SRD5A3: variants seen among roughly 807,000 people sequenced by gnomAD.
The protein encoded by SRD5A3 is steroid 5 alpha-reductase 3.
A neutral mutation model predicts 34.3 loss-of-function variants in SRD5A3; 24 were observed. That is an observed-to-expected ratio of 0.70 (90% CI 0.51 to 0.99). The LOEUF (loss-of-function observed/expected upper bound fraction) is 0.99, where lower values mean the gene tolerates loss of function less well. SRD5A3 is among the 50% of genes least tolerant of loss of function. The pLI is 0.00. For synonymous variants in SRD5A3, 161 were observed against 167.3 expected, an observed-to-expected ratio of 0.96 and a Z score of 0.29; for missense variants, 350 against 388.2, an observed-to-expected ratio of 0.90 and a Z score of 0.83.
chr4:55,348,663 C>T (rs768103075), intron 1 of SRD5A3, among the ~76,000 whole-genome samples: 8 of 152,172 alleles, frequency 5.3e-5, no homozygotes, highest in Middle Eastern at 3.2e-3. Context: ...CTAAGGAGTA[C>T]GTGCCTTTCC....
At chr4:55,353,352 C>T (rs1259105539) in intron 1 of SRD5A3, among the ~76,000 whole-genome samples, 4 of 152,228 alleles carry the variant, frequency 2.6e-5, no homozygotes, top group East Asian at 1.9e-4. Flanking sequence ...CACCAATCAG[C>T]GCTCTGTGTC....
intron 2 of SRD5A3, among the ~76,000 whole-genome samples, chr4:55,361,769 A>G (rs1578208352): frequency 6.6e-6 from 1 of 152,000 alleles, no homozygotes; most frequent in Non-Finnish European, 1.5e-5. Flanking sequence ...ATGCCACTGC[A>G]CTCCAGCCTG....
chr4:55,353,804 G>A (rs528821504), intron 1 of SRD5A3, among the ~76,000 whole-genome samples: 1 of 152,154 alleles, frequency 6.6e-6, no homozygotes, highest in Non-Finnish European at 1.5e-5. Flanking sequence ...CTGGAAGGAA[G>A]AAACTCCAGA....
chr4:55,371,165 C>T lies in SRD5A3; in HGVS notation c.*1074C>T, dbSNP rs757409937. On this transcript the variant is annotated 3_prime_UTR_variant, in exon 5 of 5. Coordinates refer to ENST00000264228, the MANE Select transcript of SRD5A3 (RefSeq NM_024592.5). ...TTTATGCATAGCAAGCCTTCGTGAA[C>T]GGAAGTGACACACTCTGGATTGAAT... is the stretch of plus-strand genomic sequence containing the variant. 4 of 152,058 alleles carry T rather than the reference C, an allele frequency of 2.6e-5. No homozygotes were observed. The highest frequency in any genetic ancestry group is 2.1e-4 in the South Asian group (1 of 4,820). The allele number at this position is 152,058 out of a possible 1,614,324, so 9.4% of individuals were successfully genotyped here. A position where few individuals can be genotyped will look rare whatever the true frequency, so the allele number is the denominator to read the frequency against.
intron 2 of SRD5A3, among the ~76,000 whole-genome samples, chr4:55,360,113 G>A (rs547238901): frequency 6.6e-6 from 1 of 152,088 alleles, no homozygotes; most frequent in African/African-American, 2.4e-5. Context: ...TACTCGGGAG[G>A]CTGAGGCAGG....
chr4:55,348,368 A>G (rs1719072705), intron 1 of SRD5A3, among the ~76,000 whole-genome samples: 1 of 152,222 alleles, frequency 6.6e-6, no homozygotes, highest in Non-Finnish European at 1.5e-5. Flanking sequence ...CAAAACTGGC[A>G]GTGTCTCCAA....
chr4:55,365,125 G>A (rs1270619137), intron 3 of SRD5A3, among the ~76,000 whole-genome samples: 1 of 152,124 alleles, frequency 6.6e-6, no homozygotes, highest in African/African-American at 2.4e-5. Flanking sequence ...TGACCTTGCA[G>A]CCTTAGTATC....
Position 55,346,559 on chromosome 4 carries a change from T to TAA in SRD5A3, c.221+3_221+4dup. On this transcript the variant is annotated splice_region_variant and intron_variant, in intron 1 of 4. Coordinates refer to ENST00000264228, the MANE Select transcript of SRD5A3 (RefSeq NM_024592.5). ...CCGAGCCTTTGATGTCCCCAAGAGG[T>TAA]AACCGCGCCCCGGTCCCGAGCCGCG... 6.3e-7 allele frequency: 1 copy of TAA among 1,578,996 alleles called. No homozygotes were observed. The highest frequency in any genetic ancestry group is 8.6e-7 in the Non-Finnish European group (1 of 1,163,690).
chr4:55,351,086 TC>T lies in SRD5A3; in HGVS notation c.221+4530del, dbSNP rs1719173839. Among the ~76,000 whole-genome samples the T allele has an allele frequency of 2.7e-5, 4 of 149,416 alleles. No homozygotes were observed. The South Asian group carries it at 6.3e-4, about 24-fold the overall frequency. On this transcript the variant is annotated intron_variant, in intron 1 of 4. Transcript: ENST00000264228. The stretch of plus-strand genomic sequence containing the variant: ...CCTGGCCTAAATTTTTTTTTTTTTT[TC>T]TTGAGACAGGGTTTCACTCTTGTTG...
intron 1 of SRD5A3, chr4:55,352,233 T>C: frequency 2.1e-6 from 2 of 935,966 alleles, no homozygotes; most frequent in Non-Finnish European, 3.6e-6. Flanking sequence ...CTGTGTATTA[T>C]ATTGGAAAAA....
rs1330448737 is a variant in SRD5A3, at chr4:55,369,832, G to C, written c.698G>C (p.Gly233Ala). The change falls in exon 5 of 5, where the codon GGA becomes GCA. Residue 233 changes from glycine to alanine, a missense_variant and splice_region_variant. By Grantham distance (60) the Gly-to-Ala change is moderately conservative (BLOSUM62 0). Coordinates refer to ENST00000264228, the MANE Select transcript of SRD5A3 (RefSeq NM_024592.5). ...ATGAGATCTTCTTTTACCCTTTCAG[G>C]AGTGGTCATTCACTGTAACCACAGG... is the stretch of plus-strand genomic sequence containing the variant. ...ILGNLRKNKA[G>A]VVIHCNHRIP... 6.2e-7 allele frequency: 1 copy of C among 1,614,028 alleles called. No homozygotes were observed. Among genetic ancestry groups the C allele is most frequent in the Non-Finnish European group, 8.5e-7 (1 of 1,180,014 alleles).
rs1048530161 is a variant in SRD5A3 at position 55,371,687 on chromosome 4, CTG to C, written c.*1598_*1599del. 3.3e-5 allele frequency: 5 copies of C among 152,228 alleles called. No individual in the cohort carries two copies. The highest frequency in any genetic ancestry group is 1.2e-4 in the African/African-American group (5 of 41,450). The allele number at this position is 152,228 out of a possible 1,614,324, so 9.4% of individuals were successfully genotyped here. A position where few individuals can be genotyped will look rare whatever the true frequency, so the allele number is the denominator to read the frequency against. On this transcript the variant is annotated 3_prime_UTR_variant, in exon 5 of 5. Coordinates refer to ENST00000264228, the MANE Select transcript of SRD5A3 (RefSeq NM_024592.5). ...TGTTTTTTTGAGATGGAGTCTCACT[CTG>C]TCGCCCAGACTGGAGTGCAGTGGTG... is the stretch of plus-strand genomic sequence containing the variant.
intron 1 of SRD5A3, among the ~76,000 whole-genome samples, chr4:55,354,385 G>A (rs1409093378): frequency 4.6e-5 from 7 of 152,128 alleles, no homozygotes; most frequent in Admixed American, 6.5e-5. Flanking sequence ...CTGACGCACC[G>A]CGCTCGGCCA....
chr4:55,351,769 A>C (rs1411195524), intron 1 of SRD5A3: 4 of 455,614 alleles, frequency 8.8e-6, no homozygotes, highest in Non-Finnish European at 1.7e-5. Context: ...GCAGCAAGAG[A>C]AAGCTGGTTG....
At chr4:55,351,071 ATT>A (rs765504438) in intron 1 of SRD5A3, among the ~76,000 whole-genome samples, 1 of 138,982 alleles carries the variant, frequency 7.2e-6, no homozygotes, top group African/African-American at 2.7e-5. Flanking sequence ...CCTGGCCTAA[ATT>A]TTTTTTTTTT....
At chr4:55,356,198 AG>A (rs1200418849) in intron 1 of SRD5A3, among the ~76,000 whole-genome samples, 2 of 151,608 alleles carry the variant, frequency 1.3e-5, no homozygotes, top group Non-Finnish European at 2.9e-5. Context: ...TAGTAGAAAC[AG>A]GGTTTCACCA....
At chr4:55,363,528 T>C (rs143359807) in intron 2 of SRD5A3, among the ~76,000 whole-genome samples, 73 of 139,558 alleles carry the variant, frequency 5.2e-4, no homozygotes, top group African/African-American at 1.8e-3. Flanking sequence ...AAAGCCAGCT[T>C]TTCTTCAGAT....
In SRD5A3 at chr4:55,359,468, T is replaced by C; in HGVS notation, c.344T>C (p.Leu115Pro). The change falls in exon 2 of 5, where the codon CTC becomes CCC. Residue 115 changes from leucine to proline, a missense_variant. By Grantham distance (98) the Leu-to-Pro change is moderately conservative. This residue lies in a region of SRD5A3 where 159 missense variants were observed against 149.1 expected (regional missense o/e 1.07). Transcript: ENST00000264228. ...TGGCTTCATGGTTTGCTCAGAATTC[T>C]CGGGGCGGCACAGTTCCAGGGTAAG... ...PSWLHGLLRILGAAQFQGGEL... is the reference protein window; with the variant it reads ...PSWLHGLLRIPGAAQFQGGEL... The C allele has an allele frequency of 5.6e-6, 9 of 1,614,146 alleles. No homozygotes were observed. Among genetic ancestry groups the C allele is most frequent in the Non-Finnish European group, 7.6e-6 (9 of 1,180,038 alleles).
intron 1 of SRD5A3, among the ~76,000 whole-genome samples, chr4:55,352,801 A>G (rs1719246985): frequency 6.6e-6 from 1 of 152,242 alleles, no homozygotes; most frequent in African/African-American, 2.4e-5. Context: ...GAAGGCAGAC[A>G]GTAACATGTC....
Sources: gnomAD v4.1 joint callset for allele counts (sites outside exome capture counted in the v4.1 genomes callset) on GRCh38, gnomAD v4.1.1 for gene constraint, gnomAD v4.1.1 regional missense constraint, MANE v1.5 for transcripts, NCBI Gene and HGNC (gene_info 2026-07-23, HGNC 2026-07-21) for gene names.